Variants in RORA observed in about 807,000 individuals in gnomAD.
The protein encoded by RORA is RAR related orphan receptor A.
Under a neutral mutation model 69.5 loss-of-function variants are expected in RORA, and 7 were observed. The ratio of observed to expected loss-of-function variants is 0.10; its 90% CI spans 0.06 to 0.19. The LOEUF is 0.19. Among genes scored for constraint, RORA ranks in the 10% least tolerant of loss-of-function variants. The pLI, the probability that RORA is intolerant of heterozygous loss-of-function variation, is 1.00. For synonymous variants in RORA, 261 were observed against 240.8 expected, an observed-to-expected ratio of 1.08 and a Z score of -0.78; for missense variants, 457 against 663.0, an observed-to-expected ratio of 0.69 and a Z score of 3.41.
At chr15:60,590,455 T>C (rs1162726792) in intron 2 of RORA, among the ~76,000 whole-genome samples, 1 of 152,192 alleles carries the variant, frequency 6.6e-6, no homozygotes, top group Non-Finnish European at 1.5e-5. Context: ...CTTTCCTTTT[T>C]TTTGGTGGGT....
intron 1 of RORA, among the ~76,000 whole-genome samples, chr15:60,921,510 G>T (rs1215346745): frequency 6.6e-6 from 1 of 152,176 alleles, no homozygotes; most frequent in Admixed American, 6.5e-5. Flanking sequence ...CAAGACAGTG[G>T]TTACCTCTGA....
intron 1 of RORA, among the ~76,000 whole-genome samples, chr15:60,935,752 T>C (rs1426639543): frequency 6.6e-6 from 1 of 152,244 alleles, no homozygotes; most frequent in African/African-American, 2.4e-5. Flanking sequence ...GGCAGCTTCA[T>C]CCTTCATTGC....
intron 1 of RORA, among the ~76,000 whole-genome samples, chr15:60,843,310 C>A (rs920837971): frequency 6.6e-6 from 1 of 152,132 alleles, no homozygotes; most frequent in East Asian, 1.9e-4. Context: ...GAATCAGACA[C>A]GGTAGAAGGG....
intron 1 of RORA, among the ~76,000 whole-genome samples, chr15:60,853,056 T>C (rs920820701): frequency 6.6e-6 from 1 of 152,176 alleles, no homozygotes; most frequent in Non-Finnish European, 1.5e-5. Flanking sequence ...AGAGCATTCC[T>C]TTATAACGAG....
intron 1 of RORA, among the ~76,000 whole-genome samples, chr15:60,846,973 G>C (rs2140409692): frequency 6.6e-6 from 1 of 152,066 alleles, no homozygotes; most frequent in South Asian, 2.1e-4. Flanking sequence ...ATGCTCTTTT[G>C]GTACCAAGCT....
chr15:61,018,152 A>G (rs1278602777), intron 1 of RORA, among the ~76,000 whole-genome samples: 2 of 152,208 alleles, frequency 1.3e-5, no homozygotes, highest in Non-Finnish European at 2.9e-5. Flanking sequence ...ATAGTAGAAA[A>G]GTGATAAAAT....
At chr15:60,732,808 C>T (rs181262300) in intron 1 of RORA, among the ~76,000 whole-genome samples, 46 of 151,646 alleles carry the variant, frequency 3.0e-4, no homozygotes, top group African/African-American at 1.1e-3. Flanking sequence ...CATACACTCA[C>T]ATACTTACAG....
intron 2 of RORA, among the ~76,000 whole-genome samples, chr15:60,611,853 C>T (rs1214877502): frequency 1.3e-5 from 2 of 152,192 alleles, no homozygotes; most frequent in Non-Finnish European, 2.9e-5. Context: ...CTACTCTGCT[C>T]ACTAGCTGCC....
chr15:60,499,672 A>C (rs1208161305), intron 10 of RORA, among the ~76,000 whole-genome samples: 1 of 152,240 alleles, frequency 6.6e-6, no homozygotes, highest in African/African-American at 2.4e-5. Context: ...TTATTGCTGC[A>C]GGACACTTTG....
intron 1 of RORA, among the ~76,000 whole-genome samples, chr15:60,947,367 G>C (rs1200627972): frequency 6.6e-6 from 1 of 152,136 alleles, no homozygotes; most frequent in African/African-American, 2.4e-5. Flanking sequence ...TTCTGCCTTG[G>C]GATGCTGTTG....
intron 1 of RORA, among the ~76,000 whole-genome samples, chr15:61,040,853 G>A (rs754767425): frequency 2.0e-5 from 3 of 152,058 alleles, no homozygotes; most frequent in Admixed American, 6.5e-5. Flanking sequence ...TTCAAAGGTT[G>A]TTTTTATTGA....
intron 2 of RORA, among the ~76,000 whole-genome samples, chr15:60,567,709 C>G (rs146716349): frequency 2.8e-4 from 43 of 152,280 alleles, no homozygotes; most frequent in African/African-American, 9.6e-4. Flanking sequence ...CCAGGCCCAG[C>G]CGATACCCTC....
At chr15:60,650,795 CA>C (rs2070131584) in intron 2 of RORA, 1 of 152,148 alleles carries the variant, frequency 6.6e-6, no homozygotes, top group African/African-American at 2.4e-5. Flanking sequence ...CCTTTGCAAA[CA>C]ATATTTTTGT....
intron 2 of RORA, among the ~76,000 whole-genome samples, chr15:60,657,188 G>A (rs2070233545): frequency 6.6e-6 from 1 of 152,078 alleles, no homozygotes; most frequent in Admixed American, 6.6e-5. Context: ...AGAAGCCCCT[G>A]GGTGAGCTCC....
intron 1 of RORA, among the ~76,000 whole-genome samples, chr15:60,946,557 C>G (rs1892883549): frequency 6.6e-6 from 1 of 152,234 alleles, no homozygotes; most frequent in South Asian, 2.1e-4. Flanking sequence ...GACGGAGTCT[C>G]ATTCACTCAG....
chr15:60,776,888 A>C (rs558495334), intron 1 of RORA, among the ~76,000 whole-genome samples: 1 of 152,098 alleles, frequency 6.6e-6, no homozygotes, highest in Admixed American at 6.5e-5. Flanking sequence ...AGCACTTATC[A>C]CCTTGTACCA....
intron 1 of RORA, among the ~76,000 whole-genome samples, chr15:60,724,134 G>C (rs1191589029): frequency 6.6e-6 from 1 of 151,616 alleles, no homozygotes; most frequent in Non-Finnish European, 1.5e-5. Flanking sequence ...GATACTCTAT[G>C]TGGTATTATA....
chr15:60,866,477 A>G (rs1418235799), intron 1 of RORA, among the ~76,000 whole-genome samples: 2 of 152,182 alleles, frequency 1.3e-5, no homozygotes, highest in African/African-American at 2.4e-5. Context: ...TTTATTGTTC[A>G]TAACATACCC....
chr15:60,729,239 T>C (rs1210761944), intron 1 of RORA, among the ~76,000 whole-genome samples: 1 of 152,070 alleles, frequency 6.6e-6, no homozygotes. Flanking sequence ...CAAAACTTCA[T>C]TGACAAAGAG....
Sources: allele counts gnomAD v4.1 joint callset (sites outside exome capture counted in the v4.1 genomes callset), GRCh38; gene constraint gnomAD v4.1.1; transcripts MANE v1.5; gene names NCBI Gene and HGNC (gene_info 2026-07-23, HGNC 2026-07-21).